RTL4: variants seen among roughly 807,000 people sequenced by gnomAD.
The protein encoded by RTL4 is retrotransposon Gag-like protein 4.
Under a neutral mutation model 5.3 loss-of-function variants are expected in RTL4, and 4 were observed. The observed-to-expected ratio is 0.75, with a 90% CI of 0.37 to 1.72. The LOEUF is 1.72. Ranked by LOEUF, RTL4 falls within the 40% of genes most tolerant of loss-of-function variation. The pLI is 0.04. For synonymous variants in RTL4, 98 were observed against 87.3 expected (o/e 1.12, Z -0.68); for missense variants, 260 against 227.1 (o/e 1.14, Z -0.93).
chrX:112,251,579 G>T, the RTL4 span, among the ~76,000 whole-genome samples: 1 of 111,354 alleles, frequency 9.0e-6, no homozygotes, highest in East Asian at 2.8e-4. Flanking sequence ...TTATATCAGG[G>T]TAATTTTGTC....
the RTL4 span, among the ~76,000 whole-genome samples, chrX:112,158,815 T>C: frequency 1.8e-5 from 2 of 111,533 alleles, no homozygotes; most frequent in African/African-American, 6.5e-5. Context: ...CTCTGACAAT[T>C]TTCTGAGGAT....
At chrX:112,184,261 T>C in the RTL4 span, among the ~76,000 whole-genome samples, 1 of 109,172 alleles carries the variant, frequency 9.2e-6, no homozygotes, top group South Asian at 4.1e-4. Context: ...AAATGACAAG[T>C]TAATGGGTGC....
At chrX:112,157,401 G>A in the RTL4 span, among the ~76,000 whole-genome samples, 29 of 110,851 alleles carry the variant, frequency 2.6e-4, no homozygotes, top group African/African-American at 8.9e-4. Context: ...TCCACAGGGC[G>A]GAAGCTGAAA....
the RTL4 span, among the ~76,000 whole-genome samples, chrX:112,292,245 G>T: frequency 2.5e-4 from 28 of 111,752 alleles, no homozygotes; most frequent in Non-Finnish European, 4.1e-4. Context: ...AAACCAGACG[G>T]AAACTCAGAC....
chrX:112,236,555 A>AATATATATATATATATATATATATATAT, the RTL4 span, among the ~76,000 whole-genome samples: 7 of 99,761 alleles, frequency 7.0e-5, no homozygotes, highest in African/African-American at 2.2e-4. Context: ...AGTTTGAATG[A>AATATATATATATATATATATATATATAT]ATATATATAT....
At chrX:112,293,726 T>C in the RTL4 span, among the ~76,000 whole-genome samples, 2,430 of 112,038 alleles carry the variant, frequency 0.022, 66 homozygotes, top group African/African-American at 0.072. Context: ...TTGCTAAGGT[T>C]GCATTGTTCA....
At chrX:112,378,745 T>A in the RTL4 span, among the ~76,000 whole-genome samples, 1 of 111,871 alleles carries the variant, frequency 8.9e-6, no homozygotes, top group Non-Finnish European at 1.9e-5. Flanking sequence ...GTGGCAGGAA[T>A]GAAGGCTATG....
chrX:112,306,094 A>G, the RTL4 span, among the ~76,000 whole-genome samples: 1 of 111,715 alleles, frequency 9.0e-6, no homozygotes, highest in Non-Finnish European at 1.9e-5. Flanking sequence ...CTGGTTTTCA[A>G]AAGTCTTATA....
chrX:112,244,058 C>A, the RTL4 span, among the ~76,000 whole-genome samples: 2 of 111,970 alleles, frequency 1.8e-5, no homozygotes, highest in Non-Finnish European at 3.8e-5. Flanking sequence ...GTGGTCTGAG[C>A]AACAGTTTGT....
the RTL4 span, among the ~76,000 whole-genome samples, chrX:112,306,751 C>T: frequency 1.3e-4 from 15 of 111,451 alleles, no homozygotes; most frequent in Non-Finnish European, 2.8e-4. Context: ...CATGCAGATT[C>T]CCAGCTACCC....
the RTL4 span, among the ~76,000 whole-genome samples, chrX:112,224,305 C>CATTTATTTATTT: frequency 3.3e-5 from 3 of 90,754 alleles, no homozygotes; most frequent in Admixed American, 1.3e-4. Context: ...CTTCCAGATA[C>CATTTATTTATTT]ATTTATTTAT....
chrX:112,109,615 G>C, the RTL4 span, among the ~76,000 whole-genome samples: 1 of 111,818 alleles, frequency 8.9e-6, no homozygotes, highest in Non-Finnish European at 1.9e-5. Context: ...CCTCTAGCTA[G>C]CTACAGAGGG....
the RTL4 span, among the ~76,000 whole-genome samples, chrX:112,275,863 A>T: frequency 9.0e-6 from 1 of 111,703 alleles, no homozygotes; most frequent in Non-Finnish European, 1.9e-5. Flanking sequence ...TGAGTCCAGG[A>T]GTTCAAGGCT....
the RTL4 span, among the ~76,000 whole-genome samples, chrX:112,165,541 A>G: frequency 9.0e-6 from 1 of 111,712 alleles, no homozygotes; most frequent in Non-Finnish European, 1.9e-5. Flanking sequence ...CAAGACCCAT[A>G]TGAAATCTTA....
chrX:112,297,875 T>C, the RTL4 span, among the ~76,000 whole-genome samples: 6 of 112,176 alleles, frequency 5.3e-5, no homozygotes, highest in African/African-American at 1.3e-4. Flanking sequence ...AAGCTATAAC[T>C]TTGTCTCTTC....
the RTL4 span, among the ~76,000 whole-genome samples, chrX:112,311,266 TA>T: frequency 1.8e-5 from 2 of 110,672 alleles, no homozygotes; most frequent in South Asian, 7.6e-4. Flanking sequence ...GGGCCCTTGA[TA>T]ATTCTCTTTT....
At chrX:112,247,648 C>T in the RTL4 span, among the ~76,000 whole-genome samples, 1 of 112,137 alleles carries the variant, frequency 8.9e-6, no homozygotes, top group Non-Finnish European at 1.9e-5. Flanking sequence ...ATTTGCTCAA[C>T]ATCTCACAGC....
chrX:112,146,104 G>A, the RTL4 span, among the ~76,000 whole-genome samples: 1 of 112,045 alleles, frequency 8.9e-6, no homozygotes, highest in African/African-American at 3.2e-5. Context: ...TCAGATTGGA[G>A]GCTGTTGTGG....
At chrX:112,275,515 A>C in the RTL4 span, among the ~76,000 whole-genome samples, 1 of 112,249 alleles carries the variant, frequency 8.9e-6, no homozygotes, top group Non-Finnish European at 1.9e-5. Flanking sequence ...GAAATTTTCT[A>C]ACTATGTAAC....
Sources: allele counts gnomAD v4.1 joint callset (sites outside exome capture counted in the v4.1 genomes callset), GRCh38; gene constraint gnomAD v4.1.1; transcripts MANE v1.5; gene names NCBI Gene and HGNC (gene_info 2026-07-23, HGNC 2026-07-21).